Variants in GLIS3 observed in about 807,000 individuals in gnomAD.
GLIS3 encodes the protein GLIS family zinc finger 3.
Under a neutral mutation model 78.6 loss-of-function variants are expected in GLIS3, and 53 were observed. That is an observed-to-expected ratio of 0.67 (90% CI 0.54 to 0.85). The LOEUF (loss-of-function observed/expected upper bound fraction) is 0.85, where lower values mean the gene tolerates loss of function less well. GLIS3 is among the 40% of genes least tolerant of loss of function. The pLI, the probability that GLIS3 is intolerant of heterozygous loss-of-function variation, is 0.00. For synonymous variants in GLIS3, 684 were observed against 509.9 expected (o/e 1.34, Z -4.60); for missense variants, 1,703 against 1,231.1 (o/e 1.38, Z -5.74).
chr9:4,292,564 T>C (rs1816097952), intron 1 of GLIS3, among the ~76,000 whole-genome samples: 1 of 152,180 alleles, frequency 6.6e-6, no homozygotes, highest in African/African-American at 2.4e-5. Flanking sequence ...ATCTAAGGGT[T>C]TGACATTTTT....
intron 4 of GLIS3, among the ~76,000 whole-genome samples, chr9:3,954,745 G>A (rs1392461057): frequency 6.6e-6 from 1 of 152,182 alleles, no homozygotes; most frequent in East Asian, 1.9e-4. Flanking sequence ...GTATCTTATG[G>A]AGAAAGAATG....
chr9:4,184,976 T>C (rs1817652048), intron 2 of GLIS3, among the ~76,000 whole-genome samples: 1 of 152,216 alleles, frequency 6.6e-6, no homozygotes, highest in South Asian at 2.1e-4. Flanking sequence ...TTGAGGTACA[T>C]TTTACACACC....
At chr9:3,908,557 A>G (rs915660731) in intron 6 of GLIS3, among the ~76,000 whole-genome samples, 1 of 152,182 alleles carries the variant, frequency 6.6e-6, no homozygotes, top group African/African-American at 2.4e-5. Flanking sequence ...TATTTGTTTA[A>G]AATGATAGTT....
At chr9:4,445,820 G>C in the GLIS3 span, among the ~76,000 whole-genome samples, 1 of 152,140 alleles carries the variant, frequency 6.6e-6, no homozygotes, top group South Asian at 2.1e-4. Flanking sequence ...GATAAAAAGA[G>C]ATGCTGGCTG....
Position 3,855,799 on chromosome 9 carries a change from T to C in GLIS3, c.2473+210A>G, listed in dbSNP as rs1819742972. 2.5e-5 allele frequency: 15 copies of C among 591,684 alleles called. No homozygotes were observed. The East Asian group carries it at 3.4e-4, about 13-fold the overall frequency. The allele number at this position is 591,684 out of a possible 1,614,324, so 36.7% of individuals were successfully genotyped here. A position where few individuals can be genotyped will look rare whatever the true frequency, so the allele number is the denominator to read the frequency against. ...CAGCAACTTGAGCTGACCAGTGCGATGTGTCATAAATCATACCATCATCAG... is the reference window on the plus strand; with the variant it reads ...CAGCAACTTGAGCTGACCAGTGCGACGTGTCATAAATCATACCATCATCAG... On this transcript the variant is annotated intron_variant, in intron 9 of 10. Coordinates refer to ENST00000381971, the MANE Select transcript of GLIS3 (RefSeq NM_001042413.2).
rs553345983 is a variant in GLIS3 at position 4,002,242 on chromosome 9, G to A, written c.1711-65053C>T. On this transcript the variant is annotated intron_variant, in intron 4 of 10. Transcript: ENST00000381971. Reference sequence around the variant, plus strand: ...AGCCAAGGAATGCAGGCGGCCTCTAGAAGCTGAAAAAGTCAAGGAAACAGA... The same window carrying A: ...AGCCAAGGAATGCAGGCGGCCTCTAAAAGCTGAAAAAGTCAAGGAAACAGA... 7.9e-5 allele frequency among the ~76,000 whole-genome samples: 12 copies of A among 152,290 alleles called. No individual in the cohort carries two copies. The South Asian group carries it at 1.9e-3, about 24-fold the overall frequency.
intron 2 of GLIS3, among the ~76,000 whole-genome samples, chr9:4,144,423 G>T (rs566043047): frequency 3.3e-5 from 5 of 152,174 alleles, no homozygotes; most frequent in African/African-American, 1.2e-4. Flanking sequence ...CTGAAGACAG[G>T]AAAGTTGTCA....
the GLIS3 span, among the ~76,000 whole-genome samples, chr9:4,457,239 T>A: frequency 6.6e-6 from 1 of 152,038 alleles, no homozygotes; most frequent in African/African-American, 2.4e-5. Context: ...CACACACTTG[T>A]AGTCCCAGCT....
intron 4 of GLIS3, among the ~76,000 whole-genome samples, chr9:3,986,557 T>C (rs1819754939): frequency 1.3e-5 from 2 of 152,228 alleles, no homozygotes; most frequent in Admixed American, 1.3e-4. Context: ...TAAGCTATTC[T>C]CCAGAGGCAC....
rs1817655038 is a variant in GLIS3 at position 3,824,994 on chromosome 9, A to G, written c.*3278T>C. On this transcript the variant is annotated 3_prime_UTR_variant, in exon 11 of 11. Transcript: ENST00000381971. ...AAGTGCTATTTAAAAATGCTTCCAT[A>G]AAATGACATGGCCAAGACAGTCAAA... is the stretch of plus-strand genomic sequence containing the variant. 1 of 152,186 alleles carries G rather than the reference A, an allele frequency of 6.6e-6. No homozygotes were observed. The highest frequency in any genetic ancestry group is 2.4e-5 in the African/African-American group (1 of 41,448). The allele number at this position is 152,186 out of a possible 1,614,324, so 9.4% of individuals were successfully genotyped here. A position where few individuals can be genotyped will look rare whatever the true frequency, so the allele number is the denominator to read the frequency against.
chr9:4,179,946 C>A (rs879289101), intron 2 of GLIS3, among the ~76,000 whole-genome samples: 1 of 151,978 alleles, frequency 6.6e-6, no homozygotes, highest in African/African-American at 2.4e-5. Context: ...GCGTTAACAG[C>A]ATTTTTATGA....
intron 4 of GLIS3, among the ~76,000 whole-genome samples, chr9:3,993,456 TAGAC>T (rs1820492997): frequency 6.6e-6 from 1 of 152,218 alleles, no homozygotes; most frequent in Non-Finnish European, 1.5e-5. Flanking sequence ...TTTTATCATA[TAGAC>T]AATTTAGAAA....
the GLIS3 span, among the ~76,000 whole-genome samples, chr9:4,365,946 G>T: frequency 7.2e-5 from 11 of 152,286 alleles, no homozygotes; most frequent in South Asian, 4.1e-4. Context: ...ATTCAAATCA[G>T]TTTAACCAAA....
At chr9:3,930,525 C>T (rs1825545193) in intron 6 of GLIS3, among the ~76,000 whole-genome samples, 1 of 152,140 alleles carries the variant, frequency 6.6e-6, no homozygotes, top group Non-Finnish European at 1.5e-5. Context: ...ACTACTCTTT[C>T]TTTATACAGA....
At chr9:4,358,447 T>C in the GLIS3 span, among the ~76,000 whole-genome samples, 14 of 152,296 alleles carry the variant, frequency 9.2e-5, no homozygotes, top group East Asian at 1.3e-3. Flanking sequence ...TCTCATTTCA[T>C]GGTATAGTTT....
the GLIS3 span, among the ~76,000 whole-genome samples, chr9:4,474,595 G>A: frequency 6.6e-6 from 1 of 151,970 alleles, no homozygotes; most frequent in Admixed American, 6.6e-5. Flanking sequence ...AAATAATAAA[G>A]CTTCTAGAAC....
chr9:4,295,436 T>A (rs145088457), intron 1 of GLIS3, among the ~76,000 whole-genome samples: 37 of 152,344 alleles, frequency 2.4e-4, no homozygotes, highest in Non-Finnish European at 5.9e-5. Context: ...CAAGCCAGAC[T>A]GTTTCCATCA....
intron 4 of GLIS3, among the ~76,000 whole-genome samples, chr9:4,082,768 C>G (rs10974324): frequency 0.27 from 41,370 of 152,088 alleles, 5,760 homozygotes; most frequent in East Asian, 0.38. Flanking sequence ...TCTTTACTTG[C>G]ATATTCTGGA....
intron 4 of GLIS3, among the ~76,000 whole-genome samples, chr9:4,010,599 C>T (rs985820261): frequency 6.6e-5 from 10 of 152,152 alleles, no homozygotes; most frequent in Non-Finnish European, 1.0e-4. Flanking sequence ...ATGAAATTTG[C>T]CTCAGCTTCC....
Sources: gnomAD v4.1 joint callset for allele counts (sites outside exome capture counted in the v4.1 genomes callset) on GRCh38, gnomAD v4.1.1 for gene constraint, MANE v1.5 for transcripts, NCBI Gene and HGNC (gene_info 2026-07-23, HGNC 2026-07-21) for gene names.